MOGAT1: variants seen among roughly 807,000 people sequenced by gnomAD.
MOGAT1 encodes the protein 2-acylglycerol O-acyltransferase 1.
A neutral mutation model predicts 31.4 loss-of-function variants in MOGAT1; 32 were observed. The ratio of observed to expected loss-of-function variants is 1.02; its 90% CI spans 0.77 to 1.37. The LOEUF (loss-of-function observed/expected upper bound fraction) is 1.37. Among genes scored for constraint, MOGAT1 ranks in the 40% most tolerant of loss-of-function variants. MOGAT1 has a pLI of 0.00. For missense variants in MOGAT1, 426 were observed against 402.0 expected (o/e 1.06, Z -0.51); for synonymous variants, 145 against 144.5 (o/e 1.00, Z -0.03).
intron 1 of MOGAT1, chr2:222,677,906 T>C: frequency 3.8e-6 from 1 of 266,660 alleles, no homozygotes; most frequent in Non-Finnish European, 7.9e-6. Flanking sequence ...TCTGCTTTAT[T>C]GCCAAATAAA....
intron 5 of MOGAT1, among the ~76,000 whole-genome samples, chr2:222,705,440 A>G (rs1326982412): frequency 6.6e-6 from 1 of 152,182 alleles, no homozygotes; most frequent in Non-Finnish European, 1.5e-5. Flanking sequence ...ATTTGAAGCA[A>G]GCTAGGGGCC....
rs575399876 is a variant in MOGAT1 at position 222,671,845 on chromosome 2, C to T, written c.60C>T (p.Ala20=). 1.1e-5 allele frequency: 17 copies of T among 1,552,818 alleles called. No individual in the cohort carries two copies. Among genetic ancestry groups the T allele is most frequent in the East Asian group, 4.9e-5 (2 of 40,988 alleles). ...IQLARRLQTV[A]VLQWVLKYLL... ...TGGCGCGGCGGCTGCAGACGGTGGC[C>T]GTGCTGCAGTGGGTCCTGAAATACC... The change falls in exon 1 of 6, where the codon GCC becomes GCT. Residue 20 remains alanine, a synonymous_variant. Coordinates refer to ENST00000446656, the MANE Select transcript of MOGAT1 (RefSeq NM_058165.3).
intron 1 of MOGAT1, 22 bp from the exon 2 acceptor site, chr2:222,688,322 G>A (rs1192184324): frequency 1.3e-6 from 2 of 1,586,052 alleles, no homozygotes; most frequent in Admixed American, 1.8e-5. Context: ...CTGATTCCAT[G>A]AGACTTTTTC....
intron 1 of MOGAT1, among the ~76,000 whole-genome samples, chr2:222,674,761 A>G (rs2106029874): frequency 6.6e-6 from 1 of 152,328 alleles, no homozygotes. Context: ...TAGCATAGTT[A>G]ACAAAAATTA....
intron 5 of MOGAT1, 25 bp from the exon 6 acceptor site, chr2:222,709,711 G>A (rs888331823): frequency 3.7e-6 from 6 of 1,607,904 alleles, no homozygotes; most frequent in Admixed American, 1.7e-5. Flanking sequence ...AGTTCCTCAC[G>A]TATGATGTAT....
intron 5 of MOGAT1, among the ~76,000 whole-genome samples, chr2:222,702,988 C>T (rs1025930498): frequency 1.3e-5 from 2 of 151,990 alleles, no homozygotes; most frequent in African/African-American, 4.8e-5. Flanking sequence ...GGTGTTGTAG[C>T]GGAGGCAAAA....
At chr2:222,675,780 T>C (rs1356017814) in intron 1 of MOGAT1, among the ~76,000 whole-genome samples, 2 of 152,156 alleles carry the variant, frequency 1.3e-5, no homozygotes, top group Non-Finnish European at 2.9e-5. Context: ...CTTCATTTAT[T>C]AGCTAGAATT....
intron 2 of MOGAT1, 105 bp from the exon 3 acceptor site, chr2:222,689,160 T>G (rs967144799): frequency 9.9e-7 from 1 of 1,006,292 alleles, no homozygotes; most frequent in Admixed American, 2.8e-5. Flanking sequence ...AAATGAGTCA[T>G]GTTCTCCATT....
chr2:222,689,660 CTG>C (rs1316958257), intron 3 of MOGAT1, among the ~76,000 whole-genome samples, 191 bp downstream of exon 3: 1 of 152,206 alleles, frequency 6.6e-6, no homozygotes, highest in African/African-American at 2.4e-5. Context: ...GAAACACAAA[CTG>C]TGTCTTCTTT....
chr2:222,684,910 A>C (rs997391520), intron 1 of MOGAT1, among the ~76,000 whole-genome samples: 1 of 152,180 alleles, frequency 6.6e-6, no homozygotes, highest in African/African-American at 2.4e-5. Context: ...GAAGTAAATC[A>C]AAATGTGGGC....
chr2:222,702,823 C>CAA (rs202181910), intron 5 of MOGAT1, among the ~76,000 whole-genome samples: 6 of 133,104 alleles, frequency 4.5e-5, no homozygotes, highest in African/African-American at 1.1e-4. Context: ...GACTTTGTCT[C>CAA]AAAAAAAAAA....
At position 222,695,113 on chromosome 2, in the gene MOGAT1, T is replaced by C; in HGVS notation, c.678T>C (p.Ser226=). 1.9e-6 allele frequency: 3 copies of C among 1,605,696 alleles called. No individual in the cohort carries two copies. The highest frequency in any genetic ancestry group is 2.5e-6 in the Non-Finnish European group (3 of 1,176,772). The change falls in exon 5 of 6, where the codon TCT becomes TCC. Residue 226 remains serine, a synonymous_variant. Coordinates refer to ENST00000446656, the MANE Select transcript of MOGAT1 (RefSeq NM_058165.3). ...GCGCCTCTCTGGTCCCAGTGGTTTC[T>C]TTTGGTGAAAATGAACTGTTTAAAC... is the stretch of plus-strand genomic sequence containing the variant. ...THGASLVPVV[S]FGENELFKQT...
At chr2:222,694,325 A>AAAGGATAACTAGTTACTTTTTG in intron 3 of MOGAT1, 37 bp from the exon 4 acceptor site, 1 of 1,522,858 alleles carries the variant, frequency 6.6e-7, no homozygotes, top group East Asian at 2.3e-5. Flanking sequence ...TATTGTTAGA[A>AAAGGATAACTAGTTACTTTTTG]AAGGATAACT....
intron 1 of MOGAT1, among the ~76,000 whole-genome samples, chr2:222,686,360 T>C (rs1012110671): frequency 3.9e-5 from 6 of 152,358 alleles, no homozygotes; most frequent in Non-Finnish European, 8.8e-5. Context: ...AGATGCCCTA[T>C]ATACAGTGAA....
chr2:222,698,271 A>G (rs2106041673), intron 5 of MOGAT1, among the ~76,000 whole-genome samples: 1 of 152,340 alleles, frequency 6.6e-6, no homozygotes, highest in South Asian at 2.1e-4. Context: ...TTTACTTCAA[A>G]AAGTTTCTCA....
rs187958752 is a variant in MOGAT1 at position 222,696,479 on chromosome 2, C to T, written c.853+1191C>T. ...CATTTTTGCAGGAGTAAGGTGGTATCGCATTATGATTTTGATTTACATTTC... is the reference window on the plus strand; with the variant it reads ...CATTTTTGCAGGAGTAAGGTGGTATTGCATTATGATTTTGATTTACATTTC... On this transcript the variant is annotated intron_variant, in intron 5 of 5. Transcript: ENST00000446656. Among the ~76,000 whole-genome samples the T allele has an allele frequency of 1.0e-3, 153 of 152,238 alleles. 1 individual carries two copies. Among genetic ancestry groups the T allele is most frequent in the Non-Finnish European group, 1.7e-3 (119 of 68,016 alleles).
At chr2:222,709,159 A>C (rs1173172788) in intron 5 of MOGAT1, among the ~76,000 whole-genome samples, 5 of 149,840 alleles carry the variant, frequency 3.3e-5, no homozygotes, top group Non-Finnish European at 7.4e-5. Context: ...CTGAAAATAC[A>C]AAAAAAAAAT....
intron 5 of MOGAT1, among the ~76,000 whole-genome samples, chr2:222,702,211 G>C (rs1186461691): frequency 6.6e-6 from 1 of 152,150 alleles, no homozygotes; most frequent in Non-Finnish European, 1.5e-5. Flanking sequence ...AAATATCAGT[G>C]TCATAAGAGA....
chr2:222,709,081 C>A (rs1006683690), intron 5 of MOGAT1, among the ~76,000 whole-genome samples: 2 of 152,098 alleles, frequency 1.3e-5, no homozygotes, highest in Non-Finnish European at 2.9e-5. Flanking sequence ...GTCGCTCACC[C>A]TTGTAATTCC....
Sources: gnomAD v4.1 joint callset for allele counts (sites outside exome capture counted in the v4.1 genomes callset) on GRCh38, gnomAD v4.1.1 for gene constraint, MANE v1.5 for transcripts, NCBI Gene and HGNC (gene_info 2026-07-23, HGNC 2026-07-21) for gene names.